Variants in HOXD3 observed in about 807,000 individuals in gnomAD.
HOXD3 encodes the protein homeobox D3, also known as homeobox protein Hox-D3.
In HOXD3, 13 loss-of-function variants were observed where a neutral mutation model predicts 32.8. That is an observed-to-expected ratio of 0.40 (90% CI 0.26 to 0.63). HOXD3 has a LOEUF of 0.63. HOXD3 is among the 20% of genes least tolerant of loss of function. The pLI, the probability that HOXD3 is intolerant of heterozygous loss-of-function variation, is 0.44. For missense variants in HOXD3, 504 were observed against 577.1 expected (o/e 0.87, Z 1.30); for synonymous variants, 241 against 246.8 (o/e 0.98, Z 0.22).
chr2:176,159,009 CGTAA>C (rs1690716671), intron 1 of HOXD3, among the ~76,000 whole-genome samples: 2 of 152,180 alleles, frequency 1.3e-5, no homozygotes, highest in Non-Finnish European at 2.9e-5. Context: ...GATAAATCAT[CGTAA>C]GTAATTCCTG....
chr2:176,172,149 G>C lies in HOXD3; in HGVS notation c.1174G>C (p.Ala392Pro). Reference protein sequence around the residue: ...PSSASVDYSCAAQIPGNHHHG... With the variant: ...PSSASVDYSCPAQIPGNHHHG... ...GTCGGCCAGCGTGGACTACAGTTGC[G>C]CCGCGCAGATTCCAGGCAACCACCA... The change falls in exon 4 of 4, where the codon GCC (alanine) becomes CCC (proline). Residue 392 changes from alanine to proline, a missense_variant. Ala to Pro is a conservative substitution (Grantham distance 27, BLOSUM62 -1). Transcript: ENST00000683222. 1 of 1,613,118 alleles carries C rather than the reference G, an allele frequency of 6.2e-7. No homozygotes were observed. The highest frequency in any genetic ancestry group is 8.5e-7 in the Non-Finnish European group (1 of 1,179,996).
At chr2:176,153,983 A>AATT (rs1690595234), upstream of HOXD3, among the ~76,000 whole-genome samples, 1 of 151,956 alleles carries the variant, frequency 6.6e-6, no homozygotes, top group African/African-American at 2.4e-5. Context: ...GTTTTACAGG[A>AATT]ATTAGTGTAT....
chr2:176,160,391 A>G (rs920778157), intron 1 of HOXD3, among the ~76,000 whole-genome samples: 4 of 152,134 alleles, frequency 2.6e-5, no homozygotes, highest in Admixed American at 6.5e-5. Context: ...CCCCCAACCC[A>G]CTGAGGGCGG....
At chr2:176,157,160 C>T (rs2105428740), upstream of HOXD3, among the ~76,000 whole-genome samples, 1 of 152,284 alleles carries the variant, frequency 6.6e-6, no homozygotes, top group Admixed American at 6.5e-5. Context: ...CCGGGCTGGG[C>T]GGCCGGGGCT....
intron 3 of HOXD3, among the ~76,000 whole-genome samples, chr2:176,170,689 AC>A (rs1691141682): frequency 6.6e-6 from 1 of 151,762 alleles, no homozygotes; most frequent in Non-Finnish European, 1.5e-5. Flanking sequence ...CCTGCCTGCA[AC>A]CTCCTTTTCC....
upstream of HOXD3, among the ~76,000 whole-genome samples, chr2:176,153,626 G>A (rs768959224): frequency 6.6e-6 from 1 of 152,024 alleles, no homozygotes; most frequent in African/African-American, 2.4e-5. Context: ...GGTGAAAGGG[G>A]CTGAACTTCA....
Position 176,171,733 on chromosome 2 carries a change from A to G in HOXD3, c.758A>G (p.Gln253Arg). Reference sequence around the variant, plus strand: ...CGGCGCATGAAGTACAAGAAGGACCAGAAGGCCAAGGGCATCCTGCACTCG... The same window carrying G: ...CGGCGCATGAAGTACAAGAAGGACCGGAAGGCCAAGGGCATCCTGCACTCG... ...QNRRMKYKKD[Q>R]KAKGILHSPA... The change falls in exon 4 of 4, where the codon CAG (glutamine) becomes CGG (arginine). Residue 253 changes from glutamine to arginine, a missense_variant. Physicochemically the swap from Gln to Arg is conservative, Grantham distance 43. Transcript: ENST00000683222. The G allele has an allele frequency of 6.2e-7, 1 of 1,614,158 alleles. No individual in the cohort carries two copies. Among genetic ancestry groups the G allele is most frequent in the Non-Finnish European group, 8.5e-7 (1 of 1,180,048 alleles).
intron 1 of HOXD3, chr2:176,160,759 G>A (rs1297773396): frequency 1.3e-5 from 2 of 152,154 alleles, no homozygotes; most frequent in Non-Finnish European, 2.9e-5. Flanking sequence ...AGAAACCCAG[G>A]AGTGGGTGGG....
Position 176,158,239 on chromosome 2 carries a change from C to T in HOXD3, c.-181+787C>T, listed in dbSNP as rs185639809. ...GCAGCCCGAGTGGGAGACCCCGGGGCGACGGGAAGCCTGGGGAAAGGAGGA... is the reference window on the plus strand; with the variant it reads ...GCAGCCCGAGTGGGAGACCCCGGGGTGACGGGAAGCCTGGGGAAAGGAGGA... On this transcript the variant is annotated intron_variant, in intron 1 of 3. Coordinates refer to ENST00000683222, the MANE Select transcript of HOXD3 (RefSeq NM_006898.5). Among the ~76,000 whole-genome samples the T allele has an allele frequency of 1.4e-4, 22 of 152,304 alleles. No homozygotes were observed. In the East Asian group the frequency reaches 4.0e-3, roughly 28 times the overall value.
At chr2:176,153,083 G>T, upstream of HOXD3, 3 of 492,444 alleles carry the variant, frequency 6.1e-6, no homozygotes, top group Non-Finnish European at 1.1e-5. Flanking sequence ...CTCGGACTAG[G>T]TTAGCATCCT....
At chr2:176,169,755 C>T (rs1172650559) in intron 3 of HOXD3, 100 bp downstream of exon 3, 1 of 1,372,506 alleles carries the variant, frequency 7.3e-7, no homozygotes, top group Non-Finnish European at 9.9e-7. Flanking sequence ...GGTCATATGT[C>T]TAAACTCCTA....
chr2:176,156,483 C>T (rs1023923401), upstream of HOXD3, among the ~76,000 whole-genome samples: 1 of 152,168 alleles, frequency 6.6e-6, no homozygotes, highest in Non-Finnish European at 1.5e-5. Flanking sequence ...GATGAGACAC[C>T]TTACTGGTCC....
intron 2 of HOXD3, chr2:176,164,376 T>C (rs1056844002): frequency 1.3e-5 from 2 of 152,176 alleles, no homozygotes; most frequent in African/African-American, 2.4e-5. Context: ...GTGCCTTAAA[T>C]ACAGGGTGCA....
At chr2:176,156,016 C>A (rs1468796462), upstream of HOXD3, among the ~76,000 whole-genome samples, 4 of 152,070 alleles carry the variant, frequency 2.6e-5, no homozygotes, top group African/African-American at 9.7e-5. Context: ...CTAATTGTTG[C>A]TTGTAGTTTT....
At chr2:176,167,151 C>T (rs1188555956) in intron 2 of HOXD3, among the ~76,000 whole-genome samples, 1 of 152,126 alleles carries the variant, frequency 6.6e-6, no homozygotes, top group Non-Finnish European at 1.5e-5. Context: ...AAGGGAAACC[C>T]CCATAAAGAA....
rs147184232 is a variant in HOXD3 at position 176,169,386 on chromosome 2, T to G, written c.272T>G (p.Met91Arg). The change falls in exon 3 of 4, where the codon ATG becomes AGG. Residue 91 changes from methionine to arginine, a missense_variant. Physicochemically the swap from Met to Arg is moderately conservative, Grantham distance 91. This residue lies in a region of HOXD3 where 181 missense variants were observed against 172.2 expected (regional missense o/e 1.05). Transcript: ENST00000683222. ...GGAGCTGAACTCAATGGCAGCTGCA[T>G]GCGGCCGGGCACTGGGAACAGCCAG... ...HKGAELNGSCMRPGTGNSQGG... is the reference protein window; with the variant it reads ...HKGAELNGSCRRPGTGNSQGG... The G allele has an allele frequency of 3.1e-6, 5 of 1,613,790 alleles. No homozygotes were observed. The African/African-American group carries it at 5.3e-5, about 17-fold the overall frequency.
chr2:176,162,596 G>A (rs1690842609), intron 1 of HOXD3, among the ~76,000 whole-genome samples: 1 of 152,184 alleles, frequency 6.6e-6, no homozygotes, highest in African/African-American at 2.4e-5. Flanking sequence ...GGTAGGGAGC[G>A]TGGGAGAAGG....
intron 1 of HOXD3, among the ~76,000 whole-genome samples, chr2:176,162,819 CT>C (rs1193074281): frequency 6.6e-6 from 1 of 152,198 alleles, no homozygotes; most frequent in Admixed American, 6.5e-5. Context: ...CAACTTAGCT[CT>C]TCTTTTGAGG....
At chr2:176,163,409 G>T (rs1400613780) in intron 1 of HOXD3, among the ~76,000 whole-genome samples, 1 of 151,656 alleles carries the variant, frequency 6.6e-6, no homozygotes, top group East Asian at 1.9e-4. Flanking sequence ...TTGGGTGGGG[G>T]TGGAAAGGAT....
Sources: allele counts gnomAD v4.1 joint callset (sites outside exome capture counted in the v4.1 genomes callset), GRCh38; gene constraint gnomAD v4.1.1; regional missense constraint gnomAD v4.1.1; transcripts MANE v1.5; gene names NCBI Gene and HGNC (gene_info 2026-07-23, HGNC 2026-07-21).